Variants in AGMO observed in about 807,000 individuals in gnomAD.
AGMO encodes the protein alkylglycerol monooxygenase, also known as glyceryl-ether monooxygenase.
In AGMO, 75 loss-of-function variants were observed where a neutral mutation model predicts 60.2. The ratio of observed to expected loss-of-function variants is 1.25; its 90% CI spans 1.03 to 1.51. The LOEUF is 1.51. Among genes scored for constraint, AGMO ranks in the 40% most tolerant of loss-of-function variants. The pLI, the probability that AGMO is intolerant of heterozygous loss-of-function variation, is 0.00. For synonymous variants in AGMO, 261 were observed against 177.1 expected (o/e 1.47, Z -3.76); for missense variants, 763 against 525.5 (o/e 1.45, Z -4.42).
intron 3 of AGMO, among the ~76,000 whole-genome samples, chr7:15,437,140 A>T (rs1448617828): frequency 6.6e-6 from 1 of 152,326 alleles, no homozygotes. Flanking sequence ...CTAACTAAAA[A>T]ATATAATAGC....
chr7:15,408,590 A>T (rs1583520915), intron 5 of AGMO, among the ~76,000 whole-genome samples: 1 of 151,842 alleles, frequency 6.6e-6, no homozygotes, highest in Admixed American at 6.6e-5. Flanking sequence ...ATAGGTACAC[A>T]TTGGGGCTCT....
At chr7:15,428,995 A>T (rs1781150597) in intron 4 of AGMO, among the ~76,000 whole-genome samples, 1 of 152,004 alleles carries the variant, frequency 6.6e-6, no homozygotes, top group South Asian at 2.1e-4. Context: ...AACAGTACCG[A>T]TTTCCTCCAT....
At chr7:15,519,958 G>A (rs1367339791) in intron 3 of AGMO, among the ~76,000 whole-genome samples, 5 of 134,164 alleles carry the variant, frequency 3.7e-5, no homozygotes, top group Middle Eastern at 3.9e-3. Context: ...AGGGATGGAG[G>A]AAGATTTGCC....
At chr7:15,552,126 G>C (rs1784979503) in intron 2 of AGMO, among the ~76,000 whole-genome samples, 1 of 152,088 alleles carries the variant, frequency 6.6e-6, no homozygotes, top group Non-Finnish European at 1.5e-5. Flanking sequence ...TATGTAGAAA[G>C]CTGAAACTGG....
intron 3 of AGMO, among the ~76,000 whole-genome samples, chr7:15,496,043 A>G (rs937602124): frequency 1.3e-5 from 2 of 152,136 alleles, no homozygotes; most frequent in African/African-American, 4.8e-5. Flanking sequence ...ACAAATACTC[A>G]GTCCATAACA....
Position 15,405,925 on chromosome 7 carries a change from C to CTCTTA in AGMO, c.610-11751_610-11747dup, listed in dbSNP as rs1784673103. 2.6e-5 allele frequency among the ~76,000 whole-genome samples: 4 copies of CTCTTA among 151,864 alleles called. No homozygotes were observed. In the South Asian group the frequency reaches 8.3e-4, roughly 31 times the overall value. ...ATCTTATTCATTATGTCATACTACTCTCTTATCCCTGAAATGTTCTCTTCT... is the reference window on the plus strand; with the variant it reads ...ATCTTATTCATTATGTCATACTACTCTCTTATCTTATCCCTGAAATGTTCTCTTCT... On this transcript the variant is annotated intron_variant, in intron 5 of 12. Coordinates refer to ENST00000342526, the MANE Select transcript of AGMO (RefSeq NM_001004320.2).
At chr7:15,198,647 A>C (rs988403122), downstream of AGMO, among the ~76,000 whole-genome samples, 3 of 152,088 alleles carry the variant, frequency 2.0e-5, no homozygotes, top group Non-Finnish European at 4.4e-5. Context: ...TTTTAAGGAT[A>C]ATTTGGTGGG....
At chr7:15,193,855 T>C in the AGMO span, among the ~76,000 whole-genome samples, 252 of 152,306 alleles carry the variant, frequency 1.7e-3, 9 homozygotes, top group Admixed American at 0.016. Flanking sequence ...CATACTTTTA[T>C]TTTGATGTAT....
chr7:15,488,823 A>C (rs2128520147), intron 3 of AGMO, among the ~76,000 whole-genome samples: 1 of 152,182 alleles, frequency 6.6e-6, no homozygotes, highest in African/African-American at 2.4e-5. Context: ...TTTACAATTA[A>C]CCATGTGTAA....
chr7:15,471,148 T>C (rs190017412), intron 3 of AGMO, among the ~76,000 whole-genome samples: 1 of 152,076 alleles, frequency 6.6e-6, no homozygotes, highest in African/African-American at 2.4e-5. Context: ...CCAATTGTCA[T>C]CATTATCATT....
chr7:15,148,086 ATACT>A, the AGMO span, among the ~76,000 whole-genome samples: 6 of 152,064 alleles, frequency 3.9e-5, no homozygotes, highest in East Asian at 1.9e-4. Context: ...TATTTTTAAA[ATACT>A]TACTATTTAT....
At chr7:15,381,529 T>A (rs1471895697) in intron 10 of AGMO, among the ~76,000 whole-genome samples, 1 of 152,090 alleles carries the variant, frequency 6.6e-6, no homozygotes, top group Non-Finnish European at 1.5e-5. Context: ...AAAAATAACA[T>A]GCTGGTGAGC....
chr7:15,558,416 A>T (rs1211725051), intron 2 of AGMO, among the ~76,000 whole-genome samples: 1 of 152,066 alleles, frequency 6.6e-6, no homozygotes, highest in Non-Finnish European at 1.5e-5. Flanking sequence ...TATACACTTA[A>T]CTTTCTGAGA....
rs539646867 is a variant in AGMO, at chr7:15,424,346, T to C, written c.514-5693A>G. 2.6e-5 allele frequency among the ~76,000 whole-genome samples: 4 copies of C among 152,270 alleles called. No homozygotes were observed. In the East Asian group the frequency reaches 7.7e-4, roughly 29 times the overall value. ...ATGTGGAAAAAAATGGGTGATGCAC[T>C]ATCATAATAAGAACAATGACACATA... On this transcript the variant is annotated intron_variant, in intron 4 of 12. Coordinates refer to ENST00000342526, the MANE Select transcript of AGMO (RefSeq NM_001004320.2).
chr7:15,417,676 C>T (rs62439283), intron 5 of AGMO, among the ~76,000 whole-genome samples: 12,639 of 152,168 alleles, frequency 0.083, 859 homozygotes, highest in African/African-American at 0.18. Context: ...TCCAAAGTCA[C>T]GGTAACAGTC....
the AGMO span, among the ~76,000 whole-genome samples, chr7:15,145,539 T>C: frequency 6.6e-5 from 10 of 152,150 alleles, no homozygotes; most frequent in Non-Finnish European, 1.3e-4. Flanking sequence ...TAATGATGAC[T>C]ATCTCAAGAT....
chr7:15,208,577 C>G (rs2115473622), intron 12 of AGMO, among the ~76,000 whole-genome samples: 1 of 152,292 alleles, frequency 6.6e-6, no homozygotes, highest in East Asian at 1.9e-4. Flanking sequence ...GCTTGACTCT[C>G]TGCTGAGATT....
chr7:15,476,777 T>C lies in AGMO; in HGVS notation c.410-45669A>G, dbSNP rs147546040. 2.8e-3 allele frequency among the ~76,000 whole-genome samples: 424 copies of C among 152,198 alleles called. 1 individual carries two copies. Among genetic ancestry groups the C allele is most frequent in the African/African-American group, 9.4e-3 (389 of 41,566 alleles). On this transcript the variant is annotated intron_variant, in intron 3 of 12. Transcript: ENST00000342526. Reference sequence around the variant, plus strand: ...ATTATGAAACACGGGTAAAACAAAATAGCTGAAGGTTTGTATCAGTTGAAG... The same window carrying C: ...ATTATGAAACACGGGTAAAACAAAACAGCTGAAGGTTTGTATCAGTTGAAG...
At chr7:15,202,507 G>T (rs1410112802) in intron 12 of AGMO, among the ~76,000 whole-genome samples, 9 of 111,306 alleles carry the variant, frequency 8.1e-5, no homozygotes, top group Admixed American at 2.1e-4. Context: ...AAACAAGGAT[G>T]TTTCCATTTA....
Sources: allele counts gnomAD v4.1 joint callset (sites outside exome capture counted in the v4.1 genomes callset), GRCh38; gene constraint gnomAD v4.1.1; transcripts MANE v1.5; gene names NCBI Gene and HGNC (gene_info 2026-07-23, HGNC 2026-07-21).